Variants in VDAC1 observed in about 807,000 individuals in gnomAD.
VDAC1 encodes the protein voltage dependent anion channel 1.
A neutral mutation model predicts 34.7 loss-of-function variants in VDAC1; 10 were observed. The observed-to-expected ratio is 0.29, with a 90% CI of 0.18 to 0.49. VDAC1 has a LOEUF of 0.49. Among genes scored for constraint, VDAC1 ranks in the 20% least tolerant of loss-of-function variants. VDAC1 has a pLI of 0.99. For synonymous variants in VDAC1, 130 were observed against 136.0 expected (o/e 0.96, Z 0.30); for missense variants, 230 against 347.9 (o/e 0.66, Z 2.69).
chr5:134,082,523 T>G, the VDAC1 span, among the ~76,000 whole-genome samples: 45 of 152,382 alleles, frequency 3.0e-4, no homozygotes, highest in East Asian at 8.3e-3. Flanking sequence ...ATAAAGTTGC[T>G]ATAAACATTT....
chr5:134,053,252 A>G, the VDAC1 span, among the ~76,000 whole-genome samples: 3 of 152,190 alleles, frequency 2.0e-5, no homozygotes, highest in Non-Finnish European at 2.9e-5. Flanking sequence ...AATGAGGAAA[A>G]TGAAGCATGG....
the VDAC1 span, among the ~76,000 whole-genome samples, chr5:134,050,023 G>A: frequency 3.3e-5 from 5 of 152,148 alleles, no homozygotes; most frequent in African/African-American, 9.7e-5. Context: ...GGCTGAGGAC[G>A]GCGGATCATG....
the VDAC1 span, among the ~76,000 whole-genome samples, chr5:134,014,679 A>G: frequency 6.6e-6 from 1 of 152,180 alleles, no homozygotes; most frequent in Non-Finnish European, 1.5e-5. Context: ...CAGCCTAGCC[A>G]ACATAGTGAA....
chr5:133,980,689 A>C (rs1752657019), intron 6 of VDAC1, 40 bp downstream of exon 6: 116 of 564,178 alleles, frequency 2.1e-4, no homozygotes, highest in Middle Eastern at 3.7e-4. Context: ...ACATGCTCCA[A>C]CCCCACCCCT....
chr5:134,023,958 C>T, the VDAC1 span, among the ~76,000 whole-genome samples: 2 of 150,260 alleles, frequency 1.3e-5, no homozygotes, highest in Non-Finnish European at 3.0e-5. Context: ...CATGGCGAAA[C>T]CCCATCTCCA....
chr5:134,085,753 A>AAAAAAAAAAAAT, the VDAC1 span, among the ~76,000 whole-genome samples: 2 of 143,572 alleles, frequency 1.4e-5, no homozygotes, highest in Non-Finnish European at 3.0e-5. Flanking sequence ...AAAAAAAAAA[A>AAAAAAAAAAAAT]TTTCATTAGC....
intron 5 of VDAC1, among the ~76,000 whole-genome samples, chr5:133,981,826 C>A (rs1366450560): frequency 3.3e-5 from 5 of 152,178 alleles, no homozygotes; most frequent in African/African-American, 9.6e-5. Context: ...GTTACAAGAT[C>A]GACATCTCCC....
At chr5:133,980,601 C>G in intron 6 of VDAC1, 128 bp downstream of exon 6, 2 of 803,968 alleles carry the variant, frequency 2.5e-6, no homozygotes, top group South Asian at 1.9e-5. Context: ...TGCCAACAAA[C>G]TCACTTTACA....
the VDAC1 span, among the ~76,000 whole-genome samples, chr5:134,085,363 T>TAATC: frequency 2.6e-5 from 4 of 151,430 alleles, no homozygotes; most frequent in Admixed American, 2.6e-4. Context: ...CCACCGCGTG[T>TAATC]GGCCCGAGAT....
At chr5:134,056,932 C>T in the VDAC1 span, among the ~76,000 whole-genome samples, 1 of 151,874 alleles carries the variant, frequency 6.6e-6, no homozygotes, top group Admixed American at 6.6e-5. Context: ...CCGCTCCCCC[C>T]TCTCCACCAG....
the VDAC1 span, among the ~76,000 whole-genome samples, chr5:134,034,477 A>C: frequency 1.3e-5 from 2 of 152,346 alleles, no homozygotes; most frequent in South Asian, 4.1e-4. Context: ...AGGTGGAGGC[A>C]GAGATCCAAG....
chr5:134,007,824 C>T (rs1753781232), upstream of VDAC1, among the ~76,000 whole-genome samples: 1 of 152,168 alleles, frequency 6.6e-6, no homozygotes, highest in African/African-American at 2.4e-5. Flanking sequence ...TGAGTGCCCC[C>T]CTGTTCTTGC....
chr5:133,999,442 A>G (rs936465196), intron 1 of VDAC1, among the ~76,000 whole-genome samples: 2 of 152,322 alleles, frequency 1.3e-5, no homozygotes, highest in African/African-American at 2.4e-5. Flanking sequence ...CTGCCCCTCC[A>G]GATCCATTCT....
chr5:134,110,963 A>T, the VDAC1 span, among the ~76,000 whole-genome samples: 11 of 152,352 alleles, frequency 7.2e-5, no homozygotes, highest in East Asian at 1.7e-3. Flanking sequence ...CAATTAGCCT[A>T]ACAACTTCCG....
the VDAC1 span, among the ~76,000 whole-genome samples, chr5:134,090,611 C>T: frequency 5.3e-5 from 8 of 152,284 alleles, no homozygotes; most frequent in African/African-American, 1.4e-4. Context: ...CCTTGGGCCC[C>T]GTGCCAGCAA....
the VDAC1 span, among the ~76,000 whole-genome samples, chr5:134,040,755 A>T: frequency 7.6e-3 from 1,162 of 152,328 alleles, 15 homozygotes; most frequent in South Asian, 0.024. Flanking sequence ...TAAAAAGAGC[A>T]GTTGATTCTG....
At chr5:134,068,902 A>T in the VDAC1 span, among the ~76,000 whole-genome samples, 1 of 151,878 alleles carries the variant, frequency 6.6e-6, no homozygotes, top group Non-Finnish European at 1.5e-5. Context: ...AAAAATCTCT[A>T]AGCTGAATCA....
chr5:133,990,157 G>C (rs2126967994), intron 5 of VDAC1, among the ~76,000 whole-genome samples: 1 of 152,368 alleles, frequency 6.6e-6, no homozygotes, highest in East Asian at 1.9e-4. Context: ...ATCATGCCAA[G>C]TGATGGTCAA....
chr5:134,104,860 C>T, the VDAC1 span, among the ~76,000 whole-genome samples: 14 of 152,240 alleles, frequency 9.2e-5, no homozygotes, highest in Admixed American at 6.5e-5. Context: ...AACGGATGCA[C>T]TCGGAGGAGC....
Sources: gnomAD v4.1 joint callset for allele counts (sites outside exome capture counted in the v4.1 genomes callset) on GRCh38, gnomAD v4.1.1 for gene constraint, MANE v1.5 for transcripts, NCBI Gene and HGNC (gene_info 2026-07-23, HGNC 2026-07-21) for gene names.